AGMO: variants seen among roughly 807,000 people sequenced by gnomAD.
AGMO encodes the protein alkylglycerol monooxygenase.
Under a neutral mutation model 60.2 loss-of-function variants are expected in AGMO, and 75 were observed. The ratio of observed to expected loss-of-function variants is 1.25; its 90% confidence interval spans 1.03 to 1.51. The LOEUF (loss-of-function observed/expected upper bound fraction) is 1.51, where lower values mean the gene tolerates loss of function less well. Among genes scored for constraint, AGMO ranks in the 40% most tolerant of loss-of-function variants. The pLI is 0.00. For missense variants in AGMO, 763 were observed against 525.5 expected, an observed-to-expected ratio of 1.45 and a Z score of -4.42; for synonymous variants, 261 against 177.1, an observed-to-expected ratio of 1.47 and a Z score of -3.76.
At chr7:15,459,989 T>C (rs1440631271) in intron 3 of AGMO, among the ~76,000 whole-genome samples, 3 of 152,090 alleles carry the variant, frequency 2.0e-5, no homozygotes, top group African/African-American at 7.2e-5. Flanking sequence ...CATTTATTTA[T>C]AAACCAGTAC....
At chr7:15,518,495 T>C (rs1172905706) in intron 3 of AGMO, among the ~76,000 whole-genome samples, 1 of 152,174 alleles carries the variant, frequency 6.6e-6, no homozygotes, top group African/African-American at 2.4e-5. Context: ...ATCTTTGCTG[T>C]TCTGCAGCCT....
chr7:15,184,525 GGGAAGGAAGGGAGGTAAAAA>G, the AGMO span, among the ~76,000 whole-genome samples: 16 of 131,000 alleles, frequency 1.2e-4, no homozygotes, highest in African/African-American at 4.8e-4. Context: ...AAGGGAGGGA[GGGAAGGAAGGGAGGTAAAAA>G]GGAAGGAAGG....
At chr7:15,259,919 A>AC (rs1459866056) in intron 12 of AGMO, among the ~76,000 whole-genome samples, 22 of 148,894 alleles carry the variant, frequency 1.5e-4, no homozygotes, top group African/African-American at 4.4e-4. Context: ...AAAAAAAAAA[A>AC]AAAAAAAGCT....
intron 12 of AGMO, among the ~76,000 whole-genome samples, chr7:15,352,566 G>C (rs970197076): frequency 6.6e-6 from 1 of 151,518 alleles, no homozygotes; most frequent in African/African-American, 2.4e-5. Flanking sequence ...TCTCAGGCTT[G>C]GCCAGAAATG....
chr7:15,328,461 A>G (rs1324997576), intron 12 of AGMO, among the ~76,000 whole-genome samples: 1 of 152,140 alleles, frequency 6.6e-6, no homozygotes, highest in Non-Finnish European at 1.5e-5. Context: ...GAAAAGCAAG[A>G]AAAGGAGATT....
chr7:15,547,510 G>A (rs1389609309), intron 2 of AGMO, among the ~76,000 whole-genome samples: 4 of 152,144 alleles, frequency 2.6e-5, no homozygotes, highest in African/African-American at 7.2e-5. Context: ...CTCGGGAAGC[G>A]CAAGGGGTCA....
intron 12 of AGMO, among the ~76,000 whole-genome samples, chr7:15,347,240 C>G (rs1782067371): frequency 6.6e-6 from 1 of 151,980 alleles, no homozygotes; most frequent in Non-Finnish European, 1.5e-5. Flanking sequence ...ATTAAAGGAC[C>G]TAGATCTATT....
chr7:15,151,520 A>G, the AGMO span, among the ~76,000 whole-genome samples: 2 of 152,056 alleles, frequency 1.3e-5, no homozygotes, highest in East Asian at 1.9e-4. Flanking sequence ...CTTTGTTTTC[A>G]TTAGTTTTAA....
intron 12 of AGMO, among the ~76,000 whole-genome samples, chr7:15,304,079 G>A (rs1022796390): frequency 5.9e-5 from 9 of 152,030 alleles, no homozygotes; most frequent in Non-Finnish European, 8.8e-5. Flanking sequence ...ACAATGCCAC[G>A]TCAATGCCTT....
At chr7:15,429,016 G>A (rs1385932509) in intron 4 of AGMO, among the ~76,000 whole-genome samples, 1 of 152,090 alleles carries the variant, frequency 6.6e-6, no homozygotes, top group Middle Eastern at 3.4e-3. Context: ...CACGTGCCCT[G>A]TTTTCCCCCC....
At chr7:15,329,902 T>C (rs1781450333) in intron 12 of AGMO, among the ~76,000 whole-genome samples, 1 of 152,086 alleles carries the variant, frequency 6.6e-6, no homozygotes, top group Non-Finnish European at 1.5e-5. Flanking sequence ...GTCTCTAAAG[T>C]TAACAGAGTA....
chr7:15,210,991 C>G lies in AGMO; in HGVS notation c.1264-9632G>C, dbSNP rs368128559. Among the ~76,000 whole-genome samples, 51 of 151,878 alleles carry G rather than the reference C, an allele frequency of 3.4e-4. 1 individual carries two copies. The South Asian group carries it at 0.01, about 30-fold the overall frequency. On this transcript the variant is annotated intron_variant, in intron 12 of 12. Transcript: ENST00000342526. ...TGTCATAAGTAAATTAGTGAATAGA[C>G]TAAGAAAGATATACTGCATACACAT...
At chr7:15,340,115 T>G (rs1488708961) in intron 12 of AGMO, among the ~76,000 whole-genome samples, 1 of 152,178 alleles carries the variant, frequency 6.6e-6, no homozygotes, top group Admixed American at 6.5e-5. Context: ...ATAAGGTATC[T>G]TGAGGATGGA....
chr7:15,290,847 A>G (rs927625581), intron 12 of AGMO, among the ~76,000 whole-genome samples: 1 of 152,216 alleles, frequency 6.6e-6, no homozygotes, highest in Non-Finnish European at 1.5e-5. Context: ...ACACTAGACC[A>G]CCTGATTCAG....
At chr7:15,415,910 C>T (rs1014248598) in intron 5 of AGMO, among the ~76,000 whole-genome samples, 3 of 151,044 alleles carry the variant, frequency 2.0e-5, no homozygotes, top group African/African-American at 7.3e-5. Flanking sequence ...AATACACAGA[C>T]AAAAATATAA....
intron 12 of AGMO, among the ~76,000 whole-genome samples, chr7:15,339,168 G>A (rs1307516047): frequency 6.6e-6 from 1 of 152,162 alleles, no homozygotes; most frequent in Non-Finnish European, 1.5e-5. Flanking sequence ...AGAGATGGGA[G>A]AAAGAGGGAG....
At chr7:15,120,666 T>A in the AGMO span, among the ~76,000 whole-genome samples, 1 of 152,072 alleles carries the variant, frequency 6.6e-6, no homozygotes. Flanking sequence ...CTCCCCACCC[T>A]CCAGAACTGT....
rs188346717 is a variant in AGMO at position 15,519,499 on chromosome 7, C to T, written c.409+25273G>A. Among the ~76,000 whole-genome samples, 32 of 152,256 alleles carry T rather than the reference C, an allele frequency of 2.1e-4. No homozygotes were observed. In the East Asian group the frequency reaches 5.6e-3, roughly 27 times the overall value. On this transcript the variant is annotated intron_variant, in intron 3 of 12. Coordinates refer to ENST00000342526, the MANE Select transcript of AGMO (RefSeq NM_001004320.2). ...CTAGCCAGAAGAGAGTGAGGGCCAA[C>T]ATTCAACATTCTTAAAGAAAAGAAT...
At chr7:15,135,979 C>CTTTTTTTTTTTTTTTTTTT in the AGMO span, among the ~76,000 whole-genome samples, 104 of 106,824 alleles carry the variant, frequency 9.7e-4, no homozygotes, top group East Asian at 2.6e-3. Flanking sequence ...TTTTTCTTTT[C>CTTTTTTTTTTTTTTTTTTT]TTTTTTTTTT....
Sources: allele counts gnomAD v4.1 joint callset (sites outside exome capture counted in the v4.1 genomes callset), GRCh38; gene constraint gnomAD v4.1.1; transcripts MANE v1.5; gene names NCBI Gene and HGNC (gene_info 2026-07-23, HGNC 2026-07-21).